The following SPTB variants were observed in gnomAD, a reference collection of about 807,000 sequenced individuals.
SPTB encodes spectrin beta chain, erythrocytic.
A neutral mutation model predicts 256.2 loss-of-function variants in SPTB; 45 were observed. The observed-to-expected ratio is 0.18, with a 90% CI of 0.14 to 0.23. SPTB has a LOEUF of 0.23. Among genes scored for constraint, SPTB ranks in the 10% least tolerant of loss-of-function variants. The pLI, the probability that SPTB is intolerant of heterozygous loss-of-function variation, is 1.00. For synonymous variants in SPTB, 1,231 were observed against 1,243.1 expected, an observed-to-expected ratio of 0.99 and a Z score of 0.21; for missense variants, 2,715 against 3,040.4, an observed-to-expected ratio of 0.89 and a Z score of 2.52.
chr14:64,789,447 G>A (rs1197591170), intron 15 of SPTB, among the ~76,000 whole-genome samples: 1 of 152,014 alleles, frequency 6.6e-6, no homozygotes. Context: ...AATCCATCAA[G>A]TGGTGATAAG....
At position 64,773,427 on chromosome 14, in the gene SPTB, G is replaced by A; in HGVS notation, c.4974-3C>T. ...CCTGAAGTCTGATGATCTGTTCCCT[G>A]GAATTCAAAACCAAAAAGGCCCTCA... On this transcript the variant is annotated splice_polypyrimidine_tract_variant and splice_region_variant and intron_variant, in intron 24 of 35. Transcript: ENST00000644917. The A allele has an allele frequency of 6.2e-7, 1 of 1,613,716 alleles. No individual in the cohort carries two copies. Among genetic ancestry groups the A allele is most frequent in the Non-Finnish European group, 8.5e-7 (1 of 1,180,038 alleles).
intron 3 of SPTB, among the ~76,000 whole-genome samples, chr14:64,804,731 G>A (rs1349784114): frequency 6.6e-6 from 1 of 152,166 alleles, no homozygotes; most frequent in Non-Finnish European, 1.5e-5. Flanking sequence ...TGAAGGGGTG[G>A]GAGTGGTCAG....
chr14:64,817,721 T>C (rs747773843), intron 2 of SPTB, among the ~76,000 whole-genome samples: 3 of 152,218 alleles, frequency 2.0e-5, no homozygotes, highest in Non-Finnish European at 4.4e-5. Flanking sequence ...AAAAGGGGCC[T>C]GAGGGAGAGG....
intron 2 of SPTB, among the ~76,000 whole-genome samples, chr14:64,811,799 G>A (rs1489041929): frequency 1.4e-4 from 22 of 152,150 alleles, no homozygotes; most frequent in Admixed American, 1.4e-3. Context: ...TCACTTATCA[G>A]TTGGGCAAAG....
chr14:64,852,890 G>A lies in SPTB; in HGVS notation c.-52+26902C>T, dbSNP rs975810301. Among the ~76,000 whole-genome samples the A allele has an allele frequency of 2.0e-5, 3 of 152,156 alleles. No homozygotes were observed. The highest frequency in any genetic ancestry group is 4.4e-5 in the Non-Finnish European group (3 of 68,042). ...CTCGTGGTACTTTCAGTCCAGCAAGGAAGACAAATAGCCAGTGAATTATTA... is the reference window on the plus strand; with the variant it reads ...CTCGTGGTACTTTCAGTCCAGCAAGAAAGACAAATAGCCAGTGAATTATTA... On this transcript the variant is annotated intron_variant, in intron 1 of 35. Transcript: ENST00000644917. The surrounding 1 kb of genome is among the most constrained non-coding windows in gnomAD (Gnocchi z 4.2).
chr14:64,785,194 G>C lies in SPTB; in HGVS notation c.3855+343C>G, dbSNP rs2139559136. Among the ~76,000 whole-genome samples, 1 of 152,290 alleles carries C rather than the reference G, an allele frequency of 6.6e-6. No homozygotes were observed. Among genetic ancestry groups the C allele is most frequent in the South Asian group, 2.1e-4 (1 of 4,826 alleles). ...AGAGTAGAGCATTAACCTGAGCCCAGGGCCCTTCTAAGCAAAGCACAGGGT... is the reference window on the plus strand; with the variant it reads ...AGAGTAGAGCATTAACCTGAGCCCACGGCCCTTCTAAGCAAAGCACAGGGT... On this transcript the variant is annotated intron_variant, in intron 18 of 35. Transcript: ENST00000644917. The surrounding 1 kb of genome is among the most constrained non-coding windows in gnomAD (Gnocchi z 4.4).
intron 1 of SPTB, among the ~76,000 whole-genome samples, chr14:64,867,669 C>T (rs1447670745): frequency 6.6e-6 from 1 of 152,072 alleles, no homozygotes; most frequent in Non-Finnish European, 1.5e-5. Flanking sequence ...GCCTGGCCAA[C>T]ATGGCGAAAC....
intron 1 of SPTB, among the ~76,000 whole-genome samples, chr14:64,861,781 A>C (rs1436762536): frequency 6.6e-6 from 1 of 152,082 alleles, no homozygotes; most frequent in Non-Finnish European, 1.5e-5. Flanking sequence ...CCTCCACGAA[A>C]ATTGCTTTCT....
Position 64,827,828 on chromosome 14 carries a change from A to T in SPTB, c.-51-4683T>A, listed in dbSNP as rs1030173468. On this transcript the variant is annotated intron_variant, in intron 1 of 35. Coordinates refer to ENST00000644917, the MANE Select transcript of SPTB (RefSeq NM_001355436.2). The surrounding 1 kb of genome is among the most constrained non-coding windows in gnomAD (Gnocchi z 4.6). ...CACCTAGAAATTACAGCTCAGTCTCAATATGGCTAAGACTGAGCATGGGGC... is the reference window on the plus strand; with the variant it reads ...CACCTAGAAATTACAGCTCAGTCTCTATATGGCTAAGACTGAGCATGGGGC... Among the ~76,000 whole-genome samples the T allele has an allele frequency of 6.6e-6, 1 of 152,162 alleles. No homozygotes were observed.
chr14:64,763,893 G>A (rs569394026), intron 32 of SPTB: 3 of 518,786 alleles, frequency 5.8e-6, no homozygotes, highest in African/African-American at 1.9e-5. Flanking sequence ...CAGTCACCAC[G>A]TGCACACACA....
intron 1 of SPTB, among the ~76,000 whole-genome samples, chr14:64,875,020 A>C (rs1171566729): frequency 6.6e-6 from 1 of 152,070 alleles, no homozygotes; most frequent in East Asian, 1.9e-4. Flanking sequence ...TTTTGCCCCC[A>C]CTGCTCACAT....
chr14:64,798,129 T>C (rs1179056519), intron 9 of SPTB, among the ~76,000 whole-genome samples: 3 of 152,238 alleles, frequency 2.0e-5, no homozygotes, highest in Admixed American at 6.5e-5. Flanking sequence ...CATGGGAAGC[T>C]GAGGTATTCT....
rs144839610 is a variant in SPTB at position 64,769,046 on chromosome 14, G to C, written c.6010C>G (p.Arg2004Gly). The change falls in exon 29 of 36, where the codon CGG becomes GGG. Residue 2004 changes from arginine (R) to glycine (G), a missense_variant. This residue lies in a region of SPTB where 2,239 missense variants were observed against 2,384.4 expected (regional missense o/e 0.94). Transcript: ENST00000644917. ...MNEKWEARWE[R>G]LRMLLEVCQF... is the part of the protein sequence containing the mutation. ...GGGCTGTACTCACACATGCGGAGCC[G>C]CTCCCAGCGGGCTTCCCACTTCTCA... is the stretch of plus-strand genomic sequence containing the variant. The C allele has an allele frequency of 6.2e-6, 10 of 1,612,964 alleles. No homozygotes were observed. The African/African-American group carries it at 1.3e-4, about 22-fold the overall frequency.
intron 1 of SPTB, among the ~76,000 whole-genome samples, chr14:64,837,876 T>C (rs1465974358): frequency 2.0e-5 from 3 of 152,174 alleles, no homozygotes; most frequent in African/African-American, 7.2e-5. Flanking sequence ...CCTCCCAAAG[T>C]GCTGGGATTA....
intron 15 of SPTB, 74 bp from the exon 16 acceptor site, chr14:64,787,234 AC>A: frequency 6.4e-7 from 1 of 1,569,600 alleles, no homozygotes; most frequent in African/African-American, 1.3e-5. Flanking sequence ...GGAGACCCTG[AC>A]CCCTTCCCAC....
intron 4 of SPTB, 85 bp downstream of exon 4, chr14:64,803,522 C>T: frequency 1.9e-6 from 3 of 1,553,280 alleles, no homozygotes; most frequent in Non-Finnish European, 2.7e-6. Flanking sequence ...CTAACACCCA[C>T]ACTCTGTTCA....
chr14:64,838,826 A>G (rs570887072), intron 1 of SPTB, among the ~76,000 whole-genome samples: 1 of 152,330 alleles, frequency 6.6e-6, no homozygotes, highest in Non-Finnish European at 1.5e-5. Flanking sequence ...ACATGTTCAC[A>G]TAAAAGCCTC....
In SPTB at chr14:64,779,217, G is replaced by A. The variant is rs1310697318; in HGVS notation, c.4503C>T (p.Ala1501=). ...TLWVEERLPL[A]QSADYGTNLQ... is the part of the protein sequence containing the mutation. ...GATTAGTGCCATAGTCGGCTGACTG[G>A]GCCAGAGGCAGCCTCTCCTCCACCC... Residue 1501 remains alanine (A), a synonymous_variant, in exon 22 of 36, where the codon GCC becomes GCT. Coordinates refer to ENST00000644917, the MANE Select transcript of SPTB (RefSeq NM_001355436.2). This position sits in a 1 kb window ranked among gnomAD's most constrained non-coding sequence, Gnocchi z 4.2. 1.2e-6 allele frequency: 2 copies of A among 1,613,860 alleles called. No homozygotes were observed. Among genetic ancestry groups the A allele is most frequent in the Non-Finnish European group, 1.7e-6 (2 of 1,179,906 alleles).
At chr14:64,769,805 C>G in intron 27 of SPTB, 77 bp from the exon 28 acceptor site, 2 of 1,593,586 alleles carry the variant, frequency 1.3e-6, no homozygotes, top group Non-Finnish European at 1.7e-6. Context: ...CCAGAGGGGC[C>G]CACCTCCCCC....
Sources: gnomAD v4.1 joint callset for allele counts (sites outside exome capture counted in the v4.1 genomes callset) on GRCh38, gnomAD v4.1.1 for gene constraint, gnomAD v4.1.1 regional missense constraint, Gnocchi (gnomAD v3.1) non-coding constraint, MANE v1.5 for transcripts, NCBI Gene and HGNC (gene_info 2026-07-23, HGNC 2026-07-21) for gene names.